Variants in CFAP57 observed in about 807,000 individuals in gnomAD.
The protein encoded by CFAP57 is cilia- and flagella-associated protein 57.
In CFAP57, 116 loss-of-function variants were observed where a neutral mutation model predicts 146.8. The ratio of observed to expected loss-of-function variants is 0.79; its 90% confidence interval spans 0.68 to 0.92. The LOEUF (loss-of-function observed/expected upper bound fraction) is 0.92. Among genes scored for constraint, CFAP57 ranks in the 40% least tolerant of loss-of-function variants. CFAP57 has a pLI of 0.00. For missense variants in CFAP57, 1,377 were observed against 1,527.2 expected (o/e 0.90, Z 1.64); for synonymous variants, 518 against 552.8 (o/e 0.94, Z 0.88).
At chr1:43,231,331 A>T (rs560429346) in intron 18 of CFAP57, among the ~76,000 whole-genome samples, 2 of 152,140 alleles carry the variant, frequency 1.3e-5, no homozygotes. Context: ...CTAGAGGGGG[A>T]GGGTCTACTC....
chr1:43,226,612 A>C (rs1645250972), intron 17 of CFAP57, among the ~76,000 whole-genome samples: 1 of 152,254 alleles, frequency 6.6e-6, no homozygotes, highest in African/African-American at 2.4e-5. Context: ...ACAAGTCACA[A>C]GTCAAGGCAA....
chr1:43,173,918 A>C (rs1008855768), intron 2 of CFAP57, among the ~76,000 whole-genome samples: 1 of 152,178 alleles, frequency 6.6e-6, no homozygotes, highest in Non-Finnish European at 1.5e-5. Flanking sequence ...AACCCTGCCA[A>C]CCCTTGGTAT....
In CFAP57 at chr1:43,234,537, A is replaced by G. The variant is rs1645610216; in HGVS notation, c.3304A>G (p.Thr1102Ala). Reference sequence around the variant, plus strand: ...GAACACAGACCTGCAGCAGGAGTACACCCGGCAGCGGGAGCACCTGGAGAG... The same window carrying G: ...GAACACAGACCTGCAGCAGGAGTACGCCCGGCAGCGGGAGCACCTGGAGAG... ...GLNTDLQQEY[T>A]RQREHLERNL... Residue 1102 changes from threonine (T) to alanine (A), a missense_variant, in exon 21 of 23, where the codon ACC (threonine) becomes GCC (alanine). By Grantham distance (58) the Thr-to-Ala change is moderately conservative. Coordinates refer to ENST00000372492, the MANE Select transcript of CFAP57 (RefSeq NM_001378189.1). 5 of 1,550,316 alleles carry G rather than the reference A, an allele frequency of 3.2e-6. No individual in the cohort carries two copies. Among genetic ancestry groups the G allele is most frequent in the Middle Eastern group, 1.7e-4 (1 of 5,990 alleles).
intron 21 of CFAP57, among the ~76,000 whole-genome samples, chr1:43,236,910 C>CT (rs371245810): frequency 4.5e-5 from 4 of 88,138 alleles, no homozygotes; most frequent in African/African-American, 2.0e-4. Context: ...CTCCATCCCC[C>CT]CCCAAAAAAA....
At chr1:43,217,206 A>AG (rs1252751090) in intron 12 of CFAP57, among the ~76,000 whole-genome samples, 1 of 152,190 alleles carries the variant, frequency 6.6e-6, no homozygotes, top group East Asian at 1.9e-4. Flanking sequence ...GAAACAGGTC[A>AG]GGGGGGCCTT....
chr1:43,181,085 T>G lies in CFAP57; in HGVS notation c.158-449T>G, dbSNP rs552187617. Among the ~76,000 whole-genome samples the G allele has an allele frequency of 6.6e-4, 101 of 152,158 alleles. 1 individual carries two copies. The highest frequency in any genetic ancestry group is 1.1e-3 in the Non-Finnish European group (77 of 67,992). On this transcript the variant is annotated intron_variant, in intron 2 of 22. Transcript: ENST00000372492. Reference sequence around the variant, plus strand: ...TCCAAGGTGCCTGCCCTAGTCATTTTCTTTTGGGGACAGTCTCGCTCTGTC... The same window carrying G: ...TCCAAGGTGCCTGCCCTAGTCATTTGCTTTTGGGGACAGTCTCGCTCTGTC...
intron 20 of CFAP57, 27 bp from the exon 21 acceptor site, chr1:43,234,468 C>T (rs1240336958): frequency 9.1e-6 from 14 of 1,543,352 alleles, no homozygotes; most frequent in African/African-American, 1.4e-5. Flanking sequence ...TCCTCTCCCT[C>T]ACTGAGAATC....
intron 11 of CFAP57, among the ~76,000 whole-genome samples, chr1:43,212,393 C>T (rs1644654266): frequency 6.6e-6 from 1 of 152,122 alleles, no homozygotes; most frequent in Admixed American, 6.5e-5. Flanking sequence ...CTGTATGTGG[C>T]CTTCTGAAAA....
chr1:43,180,789 A>C (rs959723403), intron 2 of CFAP57, among the ~76,000 whole-genome samples: 9 of 152,132 alleles, frequency 5.9e-5, no homozygotes, highest in African/African-American at 2.2e-4. Flanking sequence ...CCTCTGGAGT[A>C]GAGGAGGAGT....
rs1645994327 is a variant in CFAP57 at position 43,243,265 on chromosome 1, C to T, written c.3444C>T (p.Arg1148=). 2 of 1,550,100 alleles carry T rather than the reference C, an allele frequency of 1.3e-6. No individual in the cohort carries two copies. Among genetic ancestry groups the T allele is most frequent in the African/African-American group, 2.7e-5 (2 of 73,042 alleles). ...VSLIKEINEL[R]RELKFTRSQV... The stretch of plus-strand genomic sequence containing the variant: ...TGATCAAGGAAATTAATGAGCTCCG[C>T]AGGGAGCTGAAGTTCACTCGGTCCC... The change falls in exon 22 of 23, where the codon CGC becomes CGT. Residue 1148 remains arginine (R), a synonymous_variant. Coordinates refer to ENST00000372492, the MANE Select transcript of CFAP57 (RefSeq NM_001378189.1).
Position 43,199,498 on chromosome 1 carries a change from G to C in CFAP57, c.1537G>C (p.Gly513Arg). The C allele has an allele frequency of 1.2e-6, 2 of 1,614,188 alleles. No homozygotes were observed. The highest frequency in any genetic ancestry group is 2.2e-5 in the South Asian group (2 of 91,076). ...ENISSLKGHT[G>R]KIRSIVWNAD... ...CATCTCAAGCCTGAAAGGACACACAGGGAAGGTAAGTGAGTGAACAGTCTC... is the reference window on the plus strand; with the variant it reads ...CATCTCAAGCCTGAAAGGACACACACGGAAGGTAAGTGAGTGAACAGTCTC... Residue 513 changes from glycine to arginine, a missense_variant, in exon 9 of 23, where the codon GGG becomes CGG. Gly to Arg is a moderately radical substitution (Grantham distance 125). Transcript: ENST00000372492.
At chr1:43,186,897 C>T in intron 6 of CFAP57, 38 bp downstream of exon 6, 1 of 1,613,138 alleles carries the variant, frequency 6.2e-7, no homozygotes, top group Non-Finnish European at 8.5e-7. Flanking sequence ...AGACCAGGAC[C>T]TATCTGCCTG....
intron 2 of CFAP57, among the ~76,000 whole-genome samples, chr1:43,173,777 T>G (rs189977482): frequency 5.3e-5 from 8 of 152,362 alleles, no homozygotes; most frequent in African/African-American, 1.7e-4. Flanking sequence ...ATAAACATTC[T>G]TGCATGCATA....
chr1:43,183,460 G>A lies in CFAP57; in HGVS notation c.475-131G>A, dbSNP rs1645501647. ...GTGCCCTTATCAAATGCAGCATAAA[G>A]TTACATGATTTTGTGATGTTTTGGA... On this transcript the variant is annotated intron_variant, in intron 3 of 22. Transcript: ENST00000372492. 7 of 834,846 alleles carry A rather than the reference G, an allele frequency of 8.4e-6. No individual in the cohort carries two copies. In the South Asian group the frequency reaches 9.4e-5, roughly 11 times the overall value. 51.7% of individuals were successfully genotyped at this position (834,846 alleles called of 1,614,324 possible).
intron 11 of CFAP57, among the ~76,000 whole-genome samples, chr1:43,212,067 A>G (rs898532324): frequency 3.3e-5 from 5 of 152,384 alleles, no homozygotes; most frequent in Admixed American, 3.3e-4. Flanking sequence ...GAAATTTTAA[A>G]GATGGCACAG....
At chr1:43,177,344 G>T in intron 2 of CFAP57, 1 of 388,820 alleles carries the variant, frequency 2.6e-6, no homozygotes, top group Non-Finnish European at 5.1e-6. Context: ...GCAAGGTTTT[G>T]GGCCTGAGCA....
At chr1:43,172,632 A>T in intron 1 of CFAP57, 103 bp from the exon 2 acceptor site, 2 of 862,568 alleles carry the variant, frequency 2.3e-6, no homozygotes, top group South Asian at 1.4e-5. Flanking sequence ...AAGGGGAGAG[A>T]CAAGGGGAGG....
At chr1:43,242,895 A>C (rs1645980504) in intron 21 of CFAP57, among the ~76,000 whole-genome samples, 1 of 152,038 alleles carries the variant, frequency 6.6e-6, no homozygotes, top group Non-Finnish European at 1.5e-5. Flanking sequence ...ATAATAGCCA[A>C]TAATTGTGAT....
At chr1:43,249,847 T>C (rs1646273742) in intron 22 of CFAP57, among the ~76,000 whole-genome samples, 1 of 152,224 alleles carries the variant, frequency 6.6e-6, no homozygotes, top group Non-Finnish European at 1.5e-5. Context: ...AAGATTCACC[T>C]AACAACATTA....
Sources: gnomAD v4.1 joint callset for allele counts (sites outside exome capture counted in the v4.1 genomes callset) on GRCh38, gnomAD v4.1.1 for gene constraint, MANE v1.5 for transcripts, NCBI Gene and HGNC (gene_info 2026-07-23, HGNC 2026-07-21) for gene names.